The following SAMD11 variants were observed in gnomAD, a reference collection of about 807,000 sequenced individuals.
The protein encoded by SAMD11 is sterile alpha motif domain containing 11, also known as sterile alpha motif domain-containing protein 11.
In SAMD11, 77 loss-of-function variants were observed where a neutral mutation model predicts 64.4. That is an observed-to-expected ratio of 1.20 (90% CI 0.99 to 1.44). The LOEUF is 1.44. Among genes scored for constraint, SAMD11 ranks in the 40% most tolerant of loss-of-function variants. The pLI is 0.00. For missense variants in SAMD11, 1,402 were observed against 943.3 expected (o/e 1.49, Z -6.37); for synonymous variants, 658 against 421.9 (o/e 1.56, Z -6.86).
chr1:936,618 C>G (rs112800814), intron 5 of SAMD11, among the ~76,000 whole-genome samples: 1 of 151,992 alleles, frequency 6.6e-6, no homozygotes, highest in East Asian at 1.9e-4. Flanking sequence ...GAGGCGGGGG[C>G]GCCCCGAGGC....
At position 926,005 on chromosome 1, in the gene SAMD11, T is replaced by A; in HGVS notation, c.601T>A (p.Ser201Thr). ...CGACTGCCCGGGCTGCCGAATATCCTCCCCGGTGGTGAGATGCGGGGCTCG... is the reference window on the plus strand; with the variant it reads ...CGACTGCCCGGGCTGCCGAATATCCACCCCGGTGGTGAGATGCGGGGCTCG... ...ICDCPGCRIS[S>T]PVNRGRLADK... The change falls in exon 2 of 14, where the codon TCC becomes ACC. Residue 201 changes from serine (S) to threonine (T), a missense_variant. Ser to Thr is a moderately conservative substitution (Grantham distance 58). Coordinates refer to ENST00000616016, the MANE Select transcript of SAMD11 (RefSeq NM_001385641.1). 6.2e-7 allele frequency: 1 copy of A among 1,611,558 alleles called. No homozygotes were observed. The highest frequency in any genetic ancestry group is 8.5e-7 in the Non-Finnish European group (1 of 1,179,862).
rs545037405 is a variant in SAMD11, at chr1:935,370, C to A, written c.843-402C>A. On this transcript the variant is annotated intron_variant, in intron 4 of 13. Transcript: ENST00000616016. ...GGGGATGGTTCACATGTGGCACATT[C>A]TCTCCTGGGGCCTGTCCTGCAGGAC... 3.6e-4 allele frequency among the ~76,000 whole-genome samples: 55 copies of A among 152,300 alleles called. No homozygotes were observed. In the South Asian group the frequency reaches 0.011, roughly 32 times the overall value.
Position 943,352 on chromosome 1 carries a change from T to A in SAMD11, c.2153T>A (p.Leu718Gln). ...VDDVCSFVGG[L>Q]SGCGEYTRVF... The stretch of plus-strand genomic sequence containing the variant: ...GACGTCTGCAGCTTCGTGGGGGGCC[T>A]GTCTGGCTGTGGAGAGTACACTCGG... The change falls in exon 12 of 14, where the codon CTG (leucine) becomes CAG (glutamine). Residue 718 changes from leucine to glutamine, a missense_variant. Physicochemically the swap from Leu to Gln is moderately radical, Grantham distance 113. Transcript: ENST00000616016. The A allele has an allele frequency of 6.3e-7, 1 of 1,587,380 alleles. No individual in the cohort carries two copies. The highest frequency in any genetic ancestry group is 1.1e-5 in the South Asian group (1 of 87,838).
chr1:928,178 G>A (rs759397701), intron 2 of SAMD11, among the ~76,000 whole-genome samples: 8 of 152,222 alleles, frequency 5.3e-5, no homozygotes, highest in Non-Finnish European at 1.2e-4. Context: ...CGGATCACGA[G>A]GTCAGGAGAT....
rs749005506 is a variant in SAMD11 at position 942,614 on chromosome 1, C to A, written c.1609C>A (p.Gln537Lys). The A allele has an allele frequency of 1.9e-4, 279 of 1,438,062 alleles. No homozygotes were observed. Among genetic ancestry groups the A allele is most frequent in the Non-Finnish European group, 2.4e-4 (260 of 1,102,852 alleles). The allele number at this position is 1,438,062 out of a possible 1,614,324, so 89.1% of individuals were successfully genotyped here. A position where few individuals can be genotyped will look rare whatever the true frequency, so the allele number is the denominator to read the frequency against. ...GAAGGAGCTGGAGAGCGCGCGCCCA[C>A]AGCTGCTGGCGCCCGAGACCGCCCT... ...RQKELESARPQLLAPETALRP... is the reference protein window; with the variant it reads ...RQKELESARPKLLAPETALRP... Residue 537 changes from glutamine to lysine, a missense_variant, in exon 11 of 14, where the codon CAG (glutamine) becomes AAG (lysine). Physicochemically the swap from Gln to Lys is moderately conservative, Grantham distance 53. Coordinates refer to ENST00000616016, the MANE Select transcript of SAMD11 (RefSeq NM_001385641.1).
chr1:943,845 C>A lies in SAMD11; in HGVS notation c.2289+37C>A, dbSNP rs576502376. 8.1e-5 allele frequency: 130 copies of A among 1,612,930 alleles called. 1 individual carries two copies. In the South Asian group the frequency reaches 1.4e-3, roughly 17 times the overall value. On this transcript the variant is annotated intron_variant, in intron 13 of 13. Coordinates refer to ENST00000616016, the MANE Select transcript of SAMD11 (RefSeq NM_001385641.1). ...GGGAGTGAGGTCAGGGTCTCCAGAC[C>A]ACAGCTGGGCAGAAAGCTCTGGGTG... is the stretch of plus-strand genomic sequence containing the variant.
Position 943,349 on chromosome 1 carries a change from G to A in SAMD11, c.2150G>A (p.Gly717Asp), listed in dbSNP as rs917627466. 14 of 1,591,452 alleles carry A rather than the reference G, an allele frequency of 8.8e-6. No homozygotes were observed. The highest frequency in any genetic ancestry group is 1.2e-5 in the Non-Finnish European group (14 of 1,167,742). The change falls in exon 12 of 14, where the codon GGC becomes GAC. Residue 717 changes from glycine to aspartate, a missense_variant. Coordinates refer to ENST00000616016, the MANE Select transcript of SAMD11 (RefSeq NM_001385641.1). ...GATGACGTCTGCAGCTTCGTGGGGG[G>A]CCTGTCTGGCTGTGGAGAGTACACT... is the stretch of plus-strand genomic sequence containing the variant. ...TVDDVCSFVGGLSGCGEYTRV... is the reference protein window; with the variant it reads ...TVDDVCSFVGDLSGCGEYTRV...
At chr1:942,063 C>T (rs1008164035) in intron 8 of SAMD11, 73 bp from the exon 9 acceptor site, 7 of 462,692 alleles carry the variant, frequency 1.5e-5, no homozygotes, top group Admixed American at 4.3e-5. Flanking sequence ...GCGGAGGCGG[C>T]GGGGGAGGGG....
chr1:940,087 G>T (rs1472566372), intron 7 of SAMD11, among the ~76,000 whole-genome samples: 1 of 152,216 alleles, frequency 6.6e-6, no homozygotes, highest in African/African-American at 2.4e-5. Flanking sequence ...GGGTGGGGGC[G>T]CCGGGAAAGG....
chr1:938,563 A>G (rs941695388), intron 5 of SAMD11, among the ~76,000 whole-genome samples: 1 of 152,070 alleles, frequency 6.6e-6, no homozygotes, highest in Non-Finnish European at 1.5e-5. Context: ...GGGGGCCCAC[A>G]GCCCAGTGAC....
intron 8 of SAMD11, among the ~76,000 whole-genome samples, chr1:941,895 C>T (rs1004367176): frequency 1.3e-5 from 2 of 152,138 alleles, no homozygotes; most frequent in East Asian, 3.9e-4. Context: ...GGGGCCGGCG[C>T]CCCGCGCAGT....
intron 5 of SAMD11, among the ~76,000 whole-genome samples, 187 bp from the exon 6 acceptor site, chr1:938,853 C>T (rs540227166): frequency 6.6e-5 from 10 of 152,302 alleles, no homozygotes; most frequent in South Asian, 4.1e-4. Context: ...GCCCCTGTCC[C>T]GCCACAGCCA....
intron 5 of SAMD11, among the ~76,000 whole-genome samples, chr1:937,095 A>G (rs1018198087): frequency 1.3e-5 from 2 of 152,036 alleles, no homozygotes; most frequent in African/African-American, 4.8e-5. Context: ...ACCCGTGTCC[A>G]GGTCTCCCAT....
Position 942,734 on chromosome 1 carries a change from G to C in SAMD11, c.1729G>C (p.Gly577Arg). 6.8e-7 allele frequency: 1 copy of C among 1,474,832 alleles called. No individual in the cohort carries two copies. 91.4% of individuals were successfully genotyped at this position (1,474,832 alleles called of 1,614,324 possible). The change falls in exon 11 of 14, where the codon GGG (glycine) becomes CGG (arginine). Residue 577 changes from glycine (G) to arginine (R), a missense_variant. Physicochemically the swap from Gly to Arg is moderately radical, Grantham distance 125. Transcript: ENST00000616016. ...GCCACTGCTGGCCCTGCCCCCCCAGGGGCCCCCGGGCTCCGGACCCCCCAC... is the reference window on the plus strand; with the variant it reads ...GCCACTGCTGGCCCTGCCCCCCCAGCGGCCCCCGGGCTCCGGACCCCCCAC... ...AAPLLALPPQ[G>R]PPGSGPPTPS...
intron 5 of SAMD11, among the ~76,000 whole-genome samples, 176 bp downstream of exon 5, chr1:936,072 G>GGAGGCA (rs1454347504): frequency 6.6e-6 from 1 of 152,234 alleles, no homozygotes; most frequent in Admixed American, 6.5e-5. Context: ...GGGGCAGACA[G>GGAGGCA]GAGGCAGAGG....
rs781140824 is a variant in SAMD11, at chr1:942,208, G to GC, written c.1437dup (p.Phe480LeufsTer138). The GC allele has an allele frequency of 8.1e-6, 11 of 1,364,674 alleles. No homozygotes were observed. Among genetic ancestry groups the GC allele is most frequent in the Admixed American group, 3.0e-5 (1 of 33,108 alleles). 84.5% of individuals were successfully genotyped at this position (1,364,674 alleles called of 1,614,324 possible). ...ACGTCGCCCTGGGCCCCCATCTCAG[G>GC]CCCCCCTTCCTGGGGGTGCCCTCGG... On this transcript the variant is annotated frameshift_variant, in exon 9 of 14. Transcript: ENST00000616016. LOFTEE classifies it high-confidence loss of function.
chr1:940,655 G>A (rs943641682), intron 7 of SAMD11, among the ~76,000 whole-genome samples: 10 of 152,312 alleles, frequency 6.6e-5, no homozygotes, highest in African/African-American at 2.4e-4. Context: ...GCCGGGACTG[G>A]GCGACCCCTG....
chr1:939,349 C>T lies in SAMD11; in HGVS notation c.1132C>T (p.Leu378=). ...EDHYRRLVSA[L]SEASTFEDPQ... Reference sequence around the variant, plus strand: ...CCATTACCGCCGGCTTGTGTCAGCACTGAGCGAGGCCAGCACCTTTGAGGA... The same window carrying T: ...CCATTACCGCCGGCTTGTGTCAGCATTGAGCGAGGCCAGCACCTTTGAGGA... Residue 378 remains leucine (L), a synonymous_variant, in exon 7 of 14, where the codon CTG becomes TTG. Transcript: ENST00000616016. The T allele has an allele frequency of 6.2e-7, 1 of 1,612,528 alleles. No individual in the cohort carries two copies. The highest frequency in any genetic ancestry group is 8.5e-7 in the Non-Finnish European group (1 of 1,179,816).
At chr1:941,561 G>A (rs933846903) in intron 8 of SAMD11, among the ~76,000 whole-genome samples, 62 of 152,164 alleles carry the variant, frequency 4.1e-4, no homozygotes, top group African/African-American at 1.4e-3. Context: ...CTCCAAGTCT[G>A]GAACCCCGGG....
Sources: allele counts gnomAD v4.1 joint callset (sites outside exome capture counted in the v4.1 genomes callset), GRCh38; gene constraint gnomAD v4.1.1; transcripts MANE v1.5; gene names NCBI Gene and HGNC (gene_info 2026-07-23, HGNC 2026-07-21).